The following DIP2B variants were observed in gnomAD, a reference collection of about 807,000 sequenced individuals.
DIP2B encodes the protein disco-interacting protein 2 homolog B.
A neutral mutation model predicts 198.0 loss-of-function variants in DIP2B; 76 were observed. The observed-to-expected ratio is 0.38, with a 90% confidence interval of 0.32 to 0.46. DIP2B has a LOEUF of 0.46. Ranked by LOEUF, DIP2B falls within the 20% of genes least tolerant of loss-of-function variation. The probability of loss-of-function intolerance (pLI) is 0.99; values close to 1 mark genes in which losing one functional copy is unlikely to be tolerated. For synonymous variants in DIP2B, 701 were observed against 739.1 expected (o/e 0.95, Z 0.84); for missense variants, 1,559 against 1,978.4 (o/e 0.79, Z 4.02).
At chr12:50,638,917 G>A (rs7962082) in intron 2 of DIP2B, among the ~76,000 whole-genome samples, 6 of 150,840 alleles carry the variant, frequency 4.0e-5, no homozygotes, top group African/African-American at 1.2e-4. Context: ...TCTGAAATCT[G>A]AAAATTGGCA....
In DIP2B at chr12:50,623,449, T is replaced by A. The variant is rs868080757; in HGVS notation, c.101-2527T>A. ...CACACACACACACACTCTCTCTCTCTCTCTCTCTCTCTCTCTCTCTCACTC... is the reference window on the plus strand; with the variant it reads ...CACACACACACACACTCTCTCTCTCACTCTCTCTCTCTCTCTCTCTCACTC... On this transcript the variant is annotated intron_variant, in intron 1 of 37. Transcript: ENST00000301180. 1.2e-3 allele frequency among the ~76,000 whole-genome samples: 166 copies of A among 141,142 alleles called. 1 individual carries two copies. The highest frequency in any genetic ancestry group is 4.2e-3 in the African/African-American group (155 of 36,704). The allele number at this position is 141,142 out of a possible 152,430, so 92.6% of individuals were successfully genotyped here.
chr12:50,629,535 T>C lies in DIP2B; in HGVS notation c.172+3488T>C, dbSNP rs375410512. ...CTCTCTAGATTATTTCAGCCACACC[T>C]GTGACTTTAATTATCATTTGAATTT... On this transcript the variant is annotated intron_variant, in intron 2 of 37. Coordinates refer to ENST00000301180, the MANE Select transcript of DIP2B (RefSeq NM_173602.3). Among the ~76,000 whole-genome samples the C allele has an allele frequency of 1.4e-4, 21 of 152,350 alleles. 1 individual carries two copies. In the South Asian group the frequency reaches 4.1e-3, roughly 30 times the overall value.
At chr12:50,587,983 A>G (rs1226525129) in intron 1 of DIP2B, among the ~76,000 whole-genome samples, 1 of 152,202 alleles carries the variant, frequency 6.6e-6, no homozygotes, top group East Asian at 1.9e-4. Context: ...TTATAAAAAT[A>G]TATAGGCTTA....
Position 50,706,412 on chromosome 12 carries a change from C to T in DIP2B, c.2407-126C>T, listed in dbSNP as rs1461639602. Reference sequence around the variant, plus strand: ...GATGTGAAATGCTTTCTCTAGAATCCGTAAAATATGGCAGTTGTGTTTTTA... The same window carrying T: ...GATGTGAAATGCTTTCTCTAGAATCTGTAAAATATGGCAGTTGTGTTTTTA... On this transcript the variant is annotated intron_variant, in intron 20 of 37. Transcript: ENST00000301180. The T allele has an allele frequency of 5.7e-5, 65 of 1,149,954 alleles. No homozygotes were observed. The East Asian group carries it at 1.1e-3, about 20-fold the overall frequency. 71.2% of individuals were successfully genotyped at this position (1,149,954 alleles called of 1,614,324 possible).
chr12:50,683,190 A>G lies in DIP2B; in HGVS notation c.1259A>G (p.Tyr420Cys), dbSNP rs369477953. 7 of 1,613,074 alleles carry G rather than the reference A, an allele frequency of 4.3e-6. No homozygotes were observed. The highest frequency in any genetic ancestry group is 5.1e-6 in the Non-Finnish European group (6 of 1,179,764). ...NDPVMFMVAFYGCLLAEVIPV... is the reference protein window; with the variant it reads ...NDPVMFMVAFCGCLLAEVIPV... ...CCAGTCATGTTTATGGTGGCTTTCT[A>G]TGGATGCCTCCTGGCAGAAGTGATT... Residue 420 changes from tyrosine to cysteine, a missense_variant, in exon 10 of 38, where the codon TAT becomes TGT. By Grantham distance (194) the Tyr-to-Cys change is radical. Transcript: ENST00000301180.
intron 3 of DIP2B, among the ~76,000 whole-genome samples, chr12:50,643,210 G>T (rs1396723818): frequency 2.0e-5 from 3 of 152,026 alleles, no homozygotes; most frequent in African/African-American, 7.3e-5. Context: ...ATAAAATTTT[G>T]AGCTTCACCT....
At chr12:50,572,255 ACCACAGTTT>A (rs1958621386) in intron 1 of DIP2B, among the ~76,000 whole-genome samples, 1 of 152,226 alleles carries the variant, frequency 6.6e-6, no homozygotes, top group South Asian at 2.1e-4. Context: ...CCAGACTAAG[ACCACAGTTT>A]CCTCAAACTT....
At chr12:50,561,631 A>G (rs928238331) in intron 1 of DIP2B, among the ~76,000 whole-genome samples, 4 of 152,166 alleles carry the variant, frequency 2.6e-5, no homozygotes, top group African/African-American at 9.7e-5. Flanking sequence ...ATTGATTGAG[A>G]CAGAGTCGCT....
At chr12:50,689,650 G>T (rs1021003788) in intron 12 of DIP2B, among the ~76,000 whole-genome samples, 1 of 152,206 alleles carries the variant, frequency 6.6e-6, no homozygotes, top group Admixed American at 6.5e-5. Flanking sequence ...ATGGATATAT[G>T]AGTTTCACAG....
chr12:50,651,328 T>A (rs1938449081), intron 3 of DIP2B, among the ~76,000 whole-genome samples: 1 of 152,224 alleles, frequency 6.6e-6, no homozygotes. Context: ...AGTTTTTAAG[T>A]TTAATGTAGT....
chr12:50,622,422 T>C (rs1238625261), intron 1 of DIP2B, among the ~76,000 whole-genome samples: 1 of 152,224 alleles, frequency 6.6e-6, no homozygotes, highest in Non-Finnish European at 1.5e-5. Context: ...TTTTAAAATA[T>C]TTATTGTTTC....
intron 3 of DIP2B, among the ~76,000 whole-genome samples, chr12:50,644,897 T>A (rs951203915): frequency 6.6e-6 from 1 of 152,232 alleles, no homozygotes; most frequent in Non-Finnish European, 1.5e-5. Flanking sequence ...GTACTCTTTT[T>A]AATTAATAAA....
rs145429915 is a variant in DIP2B at position 50,606,628 on chromosome 12, A to G, written c.101-19348A>G. On this transcript the variant is annotated intron_variant, in intron 1 of 37. Transcript: ENST00000301180. Reference sequence around the variant, plus strand: ...TTCACTCATTCCAAAAAGGCATACAACTCATATCAGGACCCTTTGATTTGT... The same window carrying G: ...TTCACTCATTCCAAAAAGGCATACAGCTCATATCAGGACCCTTTGATTTGT... 9.2e-5 allele frequency among the ~76,000 whole-genome samples: 14 copies of G among 152,046 alleles called. No homozygotes were observed. The East Asian group carries it at 2.7e-3, about 29-fold the overall frequency.
intron 1 of DIP2B, among the ~76,000 whole-genome samples, chr12:50,534,555 G>A (rs931038882): frequency 6.6e-6 from 1 of 151,542 alleles, no homozygotes. Context: ...GTACAGATGG[G>A]GTTTCGCCAT....
intron 35 of DIP2B, 65 bp downstream of exon 35, chr12:50,737,175 T>C: frequency 6.9e-7 from 1 of 1,453,634 alleles, no homozygotes; most frequent in Non-Finnish European, 9.6e-7. Flanking sequence ...GTTCACATTT[T>C]AGAAATCAGT....
At chr12:50,537,781 T>C (rs1477421018) in intron 1 of DIP2B, among the ~76,000 whole-genome samples, 2 of 151,970 alleles carry the variant, frequency 1.3e-5, no homozygotes, top group Non-Finnish European at 1.5e-5. Context: ...GTCACAGAAG[T>C]AGGAGGTGGA....
Position 50,600,937 on chromosome 12 carries a change from CACT to C in DIP2B, c.101-25036_101-25034del, listed in dbSNP as rs1239260386. Among the ~76,000 whole-genome samples the C allele has an allele frequency of 6.6e-4, 90 of 136,974 alleles. 1 individual carries two copies. The highest frequency in any genetic ancestry group is 8.0e-4 in the African/African-American group (26 of 32,420). The allele number at this position is 136,974 out of a possible 152,430, so 89.9% of individuals were successfully genotyped here. A position where few individuals can be genotyped will look rare whatever the true frequency, so the allele number is the denominator to read the frequency against. On this transcript the variant is annotated intron_variant, in intron 1 of 37. Transcript: ENST00000301180. ...CCACCACCACCACCACCACCACCACCACTACCACCACCACCACCAGGTGTAGTT... is the reference window on the plus strand; with the variant it reads ...CCACCACCACCACCACCACCACCACCACCACCACCACCACCAGGTGTAGTT...
Position 50,714,483 on chromosome 12 carries a change from A to G in DIP2B, c.2738A>G (p.His913Arg), listed in dbSNP as rs1939676981. The G allele has an allele frequency of 6.2e-7, 1 of 1,614,212 alleles. No homozygotes were observed. Among genetic ancestry groups the G allele is most frequent in the Non-Finnish European group, 8.5e-7 (1 of 1,180,038 alleles). ...CCAAAAACTCCACTAGGAGGAATCCATATATCTCAGACGAAACAACTCTTT... is the reference window on the plus strand; with the variant it reads ...CCAAAAACTCCACTAGGAGGAATCCGTATATCTCAGACGAAACAACTCTTT... ...TLPKTPLGGI[H>R]ISQTKQLFLE... Residue 913 changes from histidine (H) to arginine (R), a missense_variant, in exon 23 of 38, where the codon CAT becomes CGT. Coordinates refer to ENST00000301180, the MANE Select transcript of DIP2B (RefSeq NM_173602.3).
intron 1 of DIP2B, among the ~76,000 whole-genome samples, chr12:50,561,559 G>C (rs1488324000): frequency 6.6e-6 from 1 of 152,100 alleles, no homozygotes; most frequent in East Asian, 1.9e-4. Flanking sequence ...TTAATTTATG[G>C]AAACGATACT....
Sources: gnomAD v4.1 joint callset for allele counts (sites outside exome capture counted in the v4.1 genomes callset) on GRCh38, gnomAD v4.1.1 for gene constraint, MANE v1.5 for transcripts, NCBI Gene and HGNC (gene_info 2026-07-23, HGNC 2026-07-21) for gene names.